Variants in MYBPH observed in about 807,000 individuals in gnomAD.
MYBPH encodes the protein myosin binding protein H, also known as myosin-binding protein H.
A neutral mutation model predicts 53.6 loss-of-function variants in MYBPH; 49 were observed. The ratio of observed to expected loss-of-function variants is 0.91; its 90% CI spans 0.73 to 1.16. The LOEUF (loss-of-function observed/expected upper bound fraction) is 1.16. Ranked by LOEUF, MYBPH falls within the 50% of genes most tolerant of loss-of-function variation. The probability of loss-of-function intolerance (pLI) is 0.00; values close to 1 mark genes in which losing one functional copy is unlikely to be tolerated. For synonymous variants in MYBPH, 239 were observed against 249.6 expected (o/e 0.96, Z 0.40); for missense variants, 558 against 624.1 (o/e 0.89, Z 1.13).
chr1:203,178,448 T>C (rs116286885), upstream of MYBPH, among the ~76,000 whole-genome samples: 520 of 152,344 alleles, frequency 3.4e-3, no homozygotes, highest in African/African-American at 0.012. Flanking sequence ...TCAAGCACTC[T>C]GCAGGGACTC....
In MYBPH at chr1:203,168,148, A is replaced by G. The variant is rs976886333; in HGVS notation, c.*33-57T>C. ...TGTGAGCAGAGCTCGGCTGCAGGCCAGAGAGGTGCAGAGTGGGGAGGGGGA... is the reference window on the plus strand; with the variant it reads ...TGTGAGCAGAGCTCGGCTGCAGGCCGGAGAGGTGCAGAGTGGGGAGGGGGA... On this transcript the variant is annotated intron_variant, in intron 10 of 10. Coordinates refer to ENST00000255416, the MANE Select transcript of MYBPH (RefSeq NM_004997.3). 1.4e-5 allele frequency: 3 copies of G among 209,800 alleles called. No individual in the cohort carries two copies. In the Admixed American group the frequency reaches 1.6e-4, roughly 11 times the overall value. The allele number at this position is 209,800 out of a possible 1,614,324, so 13.0% of individuals were successfully genotyped here.
intron 6 of MYBPH, 49 bp from the exon 7 acceptor site, chr1:203,170,499 T>A: frequency 6.3e-7 from 1 of 1,592,148 alleles, no homozygotes; most frequent in Non-Finnish European, 8.6e-7. Context: ...GTCCTCACCC[T>A]CCCTGCTTAC....
intron 7 of MYBPH, 134 bp downstream of exon 7, chr1:203,170,157 C>T (rs900527430): frequency 1.4e-5 from 15 of 1,105,498 alleles, no homozygotes; most frequent in South Asian, 1.1e-4. Context: ...TATGCATAGC[C>T]GTGGAGTGAG....
In MYBPH at chr1:203,171,425, C is replaced by T. The variant is rs998511504; in HGVS notation, c.751G>A (p.Glu251Lys). Residue 251 changes from glutamate (E) to lysine (K), a missense_variant, in exon 5 of 11, where the codon GAA (glutamate) becomes AAA (lysine). Physicochemically the swap from Glu to Lys is moderately conservative, Grantham distance 56 (BLOSUM62 1). Transcript: ENST00000255416. This position sits in a 1 kb window ranked among gnomAD's most constrained non-coding sequence, Gnocchi z 4.2. Reference sequence around the variant, plus strand: ...ATGACTGCCTTGGCCTCCAGGTCTTCCACGCGCACAGTGAGCTCGTAGCGG... The same window carrying T: ...ATGACTGCCTTGGCCTCCAGGTCTTTCACGCGCACAGTGAGCTCGTAGCGG... ...SGRYELTVRV[E>K]DLEAKAVIDI... The T allele has an allele frequency of 4.3e-6, 7 of 1,613,852 alleles. No individual in the cohort carries two copies. The highest frequency in any genetic ancestry group is 5.9e-6 in the Non-Finnish European group (7 of 1,180,018).
In MYBPH at chr1:203,175,434, G is replaced by C; in HGVS notation, c.233C>G (p.Thr78Ser). Reference sequence around the variant, plus strand: ...AGAGCTGCTGCTCACATCATCCAGGGTCAGCAGCAGTGGGGCACTGGGGAC... The same window carrying C: ...AGAGCTGCTGCTCACATCATCCAGGCTCAGCAGCAGTGGGGCACTGGGGAC... The part of the protein sequence containing the change: ...EDVPSAPLLL[T>S]LDDVSSSSVT... The change falls in exon 2 of 11, where the codon ACC (threonine) becomes AGC (serine). Residue 78 changes from threonine (T) to serine (S), a missense_variant. Coordinates refer to ENST00000255416, the MANE Select transcript of MYBPH (RefSeq NM_004997.3). The C allele has an allele frequency of 6.4e-7, 1 of 1,570,160 alleles. No homozygotes were observed. Among genetic ancestry groups the C allele is most frequent in the Non-Finnish European group, 8.6e-7 (1 of 1,156,482 alleles).
chr1:203,168,647 C>A lies in MYBPH; in HGVS notation c.*12G>T. On this transcript the variant is annotated 3_prime_UTR_variant, in exon 10 of 11. Coordinates refer to ENST00000255416, the MANE Select transcript of MYBPH (RefSeq NM_004997.3). ...TTTACCTGGCTCCTCATCACAGCCT[C>A]CTCCCGTGACTTCAGTGTGCGGCTG... 1 of 1,451,286 alleles carries A rather than the reference C, an allele frequency of 6.9e-7. No individual in the cohort carries two copies. The highest frequency in any genetic ancestry group is 9.1e-7 in the Non-Finnish European group (1 of 1,096,528). The allele number at this position is 1,451,286 out of a possible 1,614,324, so 89.9% of individuals were successfully genotyped here. A position where few individuals can be genotyped will look rare whatever the true frequency, so the allele number is the denominator to read the frequency against.
upstream of MYBPH, among the ~76,000 whole-genome samples, chr1:203,176,216 C>T (rs1655807369): frequency 6.6e-6 from 1 of 152,182 alleles, no homozygotes; most frequent in Non-Finnish European, 1.5e-5. Context: ...GGTGCTGGGG[C>T]CCTGACAGTT....
At chr1:203,172,296 C>A (rs2791718) in intron 3 of MYBPH, among the ~76,000 whole-genome samples, 28,668 of 151,920 alleles carry the variant, frequency 0.19, 3,644 homozygotes, top group African/African-American at 0.36. Flanking sequence ...GCATCCTGGG[C>A]ACTCCCTTGG....
chr1:203,171,554 A>C lies in MYBPH; in HGVS notation c.622T>G (p.Trp208Gly), dbSNP rs1252458066. 6.2e-7 allele frequency: 1 copy of C among 1,612,866 alleles called. No individual in the cohort carries two copies. The highest frequency in any genetic ancestry group is 1.3e-5 in the African/African-American group (1 of 74,894). Residue 208 changes from tryptophan (W) to glycine (G), a missense_variant, in exon 5 of 11, where the codon TGG (tryptophan) becomes GGG (glycine). Coordinates refer to ENST00000255416, the MANE Select transcript of MYBPH (RefSeq NM_004997.3). This position sits in a 1 kb window ranked among gnomAD's most constrained non-coding sequence, Gnocchi z 4.2. ...FQGKPKPQAT[W>G]THNGHALDSQ... ...TCCAGGGCATGGCCGTTGTGGGTCC[A>C]TGTGGCCTGAGGCTTAGGCTTCCCC... is the stretch of plus-strand genomic sequence containing the variant.
At position 203,175,811 on chromosome 1, in the gene MYBPH, C is replaced by T. The variant is rs1655798618; in HGVS notation, c.-56G>A. The T allele has an allele frequency of 4.4e-6, 7 of 1,582,516 alleles. No homozygotes were observed. The highest frequency in any genetic ancestry group is 1.7e-5 in the Admixed American group (1 of 59,558). Reference sequence around the variant, plus strand: ...TGTGCAGGGGTCAGCCGTTGGGGGGCCTGGGCCTCTAGGGTGCCTGGGACA... The same window carrying T: ...TGTGCAGGGGTCAGCCGTTGGGGGGTCTGGGCCTCTAGGGTGCCTGGGACA... On this transcript the variant is annotated 5_prime_UTR_variant, in exon 1 of 11. Transcript: ENST00000255416.
intron 6 of MYBPH, 124 bp downstream of exon 6, chr1:203,170,937 A>G: frequency 7.6e-7 from 1 of 1,311,010 alleles, no homozygotes; most frequent in Non-Finnish European, 1.0e-6. Context: ...CTAGGGAGTC[A>G]GGTTAGCAGT....
At chr1:203,174,237 C>A (rs1361563535) in intron 3 of MYBPH, 193 bp downstream of exon 3, 2 of 893,084 alleles carry the variant, frequency 2.2e-6, no homozygotes. Flanking sequence ...GCTTCTTAGA[C>A]CTCCAGAGGC....
chr1:203,178,902 C>T (rs1369018430), upstream of MYBPH: 1 of 152,488 alleles, frequency 6.6e-6, no homozygotes, highest in African/African-American at 2.4e-5. Context: ...AGTGGGCGCT[C>T]AAAGATAGAC....
intron 6 of MYBPH, 103 bp from the exon 7 acceptor site, chr1:203,170,553 C>A: frequency 1.4e-6 from 2 of 1,446,210 alleles, no homozygotes; most frequent in East Asian, 2.4e-5. Context: ...TGCCCCCAAC[C>A]TTAGGATGCT....
chr1:203,168,852 T>G (rs1476142968), intron 9 of MYBPH, 54 bp downstream of exon 9: 1 of 1,602,790 alleles, frequency 6.2e-7, no homozygotes. Flanking sequence ...CTGCTGCCTC[T>G]AGTCCAGTTC....
Position 203,170,410 on chromosome 1 carries a change from C to G in MYBPH, c.974G>C (p.Cys325Ser). ...TVLERYHPTT[C>S]TISDLIIGNS... The stretch of plus-strand genomic sequence containing the variant: ...GCCGATGATGAGGTCAGAGATGGTG[C>G]AGGTGGTTGGGTGGTAGCGCTCCAG... Residue 325 changes from cysteine (C) to serine (S), a missense_variant, in exon 7 of 11, where the codon TGC becomes TCC. Coordinates refer to ENST00000255416, the MANE Select transcript of MYBPH (RefSeq NM_004997.3). 6.2e-7 allele frequency: 1 copy of G among 1,614,152 alleles called. No homozygotes were observed. Among genetic ancestry groups the G allele is most frequent in the Non-Finnish European group, 8.5e-7 (1 of 1,180,018 alleles).
At chr1:203,172,509 C>G (rs1017603716) in intron 3 of MYBPH, among the ~76,000 whole-genome samples, 4 of 152,308 alleles carry the variant, frequency 2.6e-5, no homozygotes, top group South Asian at 2.1e-4. Context: ...TTCAGAGAAG[C>G]CTTTGTGAAA....
chr1:203,174,835 G>T (rs1396129048), intron 2 of MYBPH, among the ~76,000 whole-genome samples: 1 of 152,156 alleles, frequency 6.6e-6, no homozygotes, highest in Admixed American at 6.5e-5. Context: ...GGACACATTT[G>T]CAAAGTCACA....
Position 203,171,260 on chromosome 1 carries a change from C to G in MYBPH, c.794-60G>C. ...AGGGCCAGGCTGGCCACAGAGCCCC[C>G]ACACCCAAAATTTGGCTCTTGCCAC... is the stretch of plus-strand genomic sequence containing the variant. On this transcript the variant is annotated intron_variant, in intron 5 of 10. Transcript: ENST00000255416. This position sits in a 1 kb window ranked among gnomAD's most constrained non-coding sequence, Gnocchi z 4.2. 9 of 1,551,356 alleles carry G rather than the reference C, an allele frequency of 5.8e-6. No individual in the cohort carries two copies. Among genetic ancestry groups the G allele is most frequent in the Non-Finnish European group, 7.8e-6 (9 of 1,147,092 alleles).
Sources: gnomAD v4.1 joint callset for allele counts (sites outside exome capture counted in the v4.1 genomes callset) on GRCh38, gnomAD v4.1.1 for gene constraint, Gnocchi (gnomAD v3.1) non-coding constraint, MANE v1.5 for transcripts, NCBI Gene and HGNC (gene_info 2026-07-23, HGNC 2026-07-21) for gene names.